Variants in TEN1 observed in about 807,000 individuals in gnomAD.
TEN1 encodes TEN1 subunit of CST complex, also known as CST complex subunit TEN1.
A neutral mutation model predicts 9.3 loss-of-function variants in TEN1; 6 were observed. The observed-to-expected ratio is 0.65, with a 90% confidence interval of 0.35 to 1.27. TEN1 has a LOEUF of 1.27. Among genes scored for constraint, TEN1 ranks in the 50% most tolerant of loss-of-function variants. TEN1 has a pLI of 0.03. For synonymous variants in TEN1, 65 were observed against 65.6 expected (o/e 0.99, Z 0.04); for missense variants, 149 against 158.2 (o/e 0.94, Z 0.31).
chr17:75,996,723 AGAG>A (rs1407281517), intron 3 of TEN1, among the ~76,000 whole-genome samples: 63 of 103,704 alleles, frequency 6.1e-4, no homozygotes, highest in Non-Finnish European at 8.3e-4. Flanking sequence ...AAAAAAAAAA[AGAG>A]AGAGAGAAAG....
intron 1 of TEN1, among the ~76,000 whole-genome samples, chr17:75,983,017 A>T (rs2066131686): frequency 6.6e-6 from 1 of 150,992 alleles, no homozygotes; most frequent in Non-Finnish European, 1.5e-5. Flanking sequence ...GAGGTGTCTC[A>T]CGCCTGTAGT....
chr17:75,996,141 G>T (rs1374788680), intron 3 of TEN1, among the ~76,000 whole-genome samples: 1 of 151,882 alleles, frequency 6.6e-6, no homozygotes, highest in East Asian at 1.9e-4. Flanking sequence ...TGTAATCTCA[G>T]AACTTTTGGG....
At chr17:75,980,653 G>A (rs2066111266) in intron 1 of TEN1, among the ~76,000 whole-genome samples, 1 of 152,182 alleles carries the variant, frequency 6.6e-6, no homozygotes, top group Non-Finnish European at 1.5e-5. Flanking sequence ...TCGAATTCCT[G>A]ACCTGTTGAT....
intron 2 of TEN1, 132 bp downstream of exon 2, chr17:75,986,416 T>A: frequency 2.2e-6 from 2 of 907,340 alleles, no homozygotes; most frequent in Non-Finnish European, 1.5e-6. Context: ...AAAAAAAAAT[T>A]AGTTGCCGGG....
chr17:75,998,985 G>C (rs1037557611), intron 3 of TEN1, among the ~76,000 whole-genome samples: 5 of 151,834 alleles, frequency 3.3e-5, no homozygotes, highest in African/African-American at 1.2e-4. Flanking sequence ...GAAAGAGCAT[G>C]AGTGCAAAAA....
Position 76,000,508 on chromosome 17 carries a change from C to CGGG in TEN1, c.*248_*250dup, listed in dbSNP as rs1351613481. ...ACTGCAGGTGGCCGAGCTTGGGCGC[C>CGGG]GGGGCCGTGCTTGGTGTGGGGCCAT... On this transcript the variant is annotated 3_prime_UTR_variant, in exon 4 of 4. Transcript: ENST00000397640. This position sits in a 1 kb window ranked among gnomAD's most constrained non-coding sequence, Gnocchi z 5.9. The CGGG allele has an allele frequency of 5.5e-6, 3 of 543,068 alleles. No homozygotes were observed. Among genetic ancestry groups the CGGG allele is most frequent in the Non-Finnish European group, 9.3e-6 (3 of 323,662 alleles). The allele number at this position is 543,068 out of a possible 1,614,324, so 33.6% of individuals were successfully genotyped here. A position where few individuals can be genotyped will look rare whatever the true frequency, so the allele number is the denominator to read the frequency against.
At chr17:75,987,766 A>G (rs1598212223) in intron 2 of TEN1, among the ~76,000 whole-genome samples, 1 of 151,704 alleles carries the variant, frequency 6.6e-6, no homozygotes, top group East Asian at 1.9e-4. Flanking sequence ...AAAATACAAA[A>G]ATTAGCCGGG....
intron 3 of TEN1, among the ~76,000 whole-genome samples, chr17:75,992,450 G>A (rs990086414): frequency 4.6e-4 from 70 of 152,084 alleles, no homozygotes; most frequent in Non-Finnish European, 8.5e-4. Context: ...AGGGATCTGC[G>A]TGCCTTGGCC....
chr17:75,989,402 G>A lies in TEN1; in HGVS notation c.93-2064G>A, dbSNP rs775712571. Among the ~76,000 whole-genome samples, 10 of 147,294 alleles carry A rather than the reference G, an allele frequency of 6.8e-5. No individual in the cohort carries two copies. In the South Asian group the frequency reaches 1.1e-3, roughly 16 times the overall value. ...GCTGGGATTACAGATGTGAGCCACC[G>A]CACCTGGCCTTTTTTGTTTTTTTAA... On this transcript the variant is annotated intron_variant, in intron 2 of 3. Transcript: ENST00000397640.
At chr17:75,996,378 AG>A (rs1406436056) in intron 3 of TEN1, among the ~76,000 whole-genome samples, 1 of 152,044 alleles carries the variant, frequency 6.6e-6, no homozygotes, top group Non-Finnish European at 1.5e-5. Flanking sequence ...CCAGCTATTC[AG>A]GAGGCCAAGG....
chr17:75,989,428 A>G (rs1449201427), intron 2 of TEN1, among the ~76,000 whole-genome samples: 1 of 136,208 alleles, frequency 7.3e-6, no homozygotes, highest in Non-Finnish European at 1.6e-5. Context: ...GTTTTTTTAA[A>G]TTGAGATGGA....
At chr17:75,981,635 C>G (rs2066120958) in intron 1 of TEN1, among the ~76,000 whole-genome samples, 1 of 150,332 alleles carries the variant, frequency 6.7e-6, no homozygotes, top group Admixed American at 6.6e-5. Context: ...TCCTCTCCCT[C>G]AGGTGCATTC....
At chr17:75,995,341 A>G (rs1439602752) in intron 3 of TEN1, among the ~76,000 whole-genome samples, 3 of 152,168 alleles carry the variant, frequency 2.0e-5, no homozygotes, top group Non-Finnish European at 4.4e-5. Context: ...AGCCTGGGAA[A>G]TGTAGCAAGA....
At chr17:75,991,149 C>CAAAAAA (rs71361699) in intron 2 of TEN1, among the ~76,000 whole-genome samples, 4 of 70,100 alleles carry the variant, frequency 5.7e-5, no homozygotes, top group South Asian at 5.3e-4. Context: ...GACTCCATCT[C>CAAAAAA]AAAAAAAAAA....
At chr17:75,980,795 T>G (rs1473751342) in intron 1 of TEN1, among the ~76,000 whole-genome samples, 1 of 152,206 alleles carries the variant, frequency 6.6e-6, no homozygotes, top group Non-Finnish European at 1.5e-5. Flanking sequence ...ATAACATTCA[T>G]AATTTGAATA....
chr17:75,984,242 A>G (rs75368040), intron 1 of TEN1, among the ~76,000 whole-genome samples: 2,679 of 152,260 alleles, frequency 0.018, 83 homozygotes, highest in East Asian at 0.15. Flanking sequence ...TGCAAAGGAC[A>G]TCTTACTTCT....
intron 1 of TEN1, among the ~76,000 whole-genome samples, chr17:75,981,094 G>C (rs906726532): frequency 2.0e-5 from 3 of 152,164 alleles, no homozygotes; most frequent in African/African-American, 7.2e-5. Flanking sequence ...TAGATGAAGA[G>C]CTAAATTTGC....
Position 75,986,298 on chromosome 17 carries a change from T to C in TEN1, c.92+14T>C, listed in dbSNP as rs1029906579. On this transcript the variant is annotated intron_variant, in intron 2 of 3. Coordinates refer to ENST00000397640, the MANE Select transcript of TEN1 (RefSeq NM_001113324.3). ...AACATTTGGCAGGTGAGAACGGTTA[T>C]TTTTTTCACTGGTGGGGGTGATGAT... 5.8e-6 allele frequency: 9 copies of C among 1,539,750 alleles called. No homozygotes were observed. Among genetic ancestry groups the C allele is most frequent in the Non-Finnish European group, 6.1e-6 (7 of 1,140,438 alleles).
chr17:75,979,728 C>T lies in TEN1; in HGVS notation c.-7+217C>T, dbSNP rs114063622. The stretch of plus-strand genomic sequence containing the variant: ...GGGTCACTTGGGCTTTTGCCAAATC[C>T]ACCCGGATTGGAGAAGAATGGGACG... On this transcript the variant is annotated intron_variant, in intron 1 of 3. Transcript: ENST00000397640. 0.015 allele frequency among the ~76,000 whole-genome samples: 2,320 copies of T among 152,098 alleles called. 59 individuals are homozygous for T. The highest frequency in any genetic ancestry group is 0.052 in the African/African-American group (2,163 of 41,504).
Sources: allele counts gnomAD v4.1 joint callset (sites outside exome capture counted in the v4.1 genomes callset), GRCh38; gene constraint gnomAD v4.1.1; non-coding constraint Gnocchi (gnomAD v3.1); transcripts MANE v1.5; gene names NCBI Gene and HGNC (gene_info 2026-07-23, HGNC 2026-07-21).